Variants in GRM5 observed in about 807,000 individuals in gnomAD.
GRM5 encodes glutamate metabotropic receptor 5, also known as metabotropic glutamate receptor 5.
In GRM5, 19 loss-of-function variants were observed where a neutral mutation model predicts 83.1. The observed-to-expected ratio is 0.23, with a 90% confidence interval of 0.16 to 0.34. GRM5 has a LOEUF of 0.34. GRM5 is among the 10% of genes least tolerant of loss of function. The probability of loss-of-function intolerance (pLI) is 1.00; values close to 1 mark genes in which losing one functional copy is unlikely to be tolerated. For synonymous variants in GRM5, 675 were observed against 633.6 expected (o/e 1.07, Z -0.98); for missense variants, 1,160 against 1,588.3 (o/e 0.73, Z 4.58).
intron 2 of GRM5, among the ~76,000 whole-genome samples, chr11:88,871,450 G>T (rs972962930): frequency 6.6e-6 from 1 of 151,538 alleles, no homozygotes; most frequent in African/African-American, 2.4e-5. Context: ...AGTGTTAAAT[G>T]CCATAATGCA....
intron 7 of GRM5, among the ~76,000 whole-genome samples, chr11:88,573,113 C>T (rs185942518): frequency 4.2e-4 from 64 of 152,148 alleles, no homozygotes; most frequent in Admixed American, 3.7e-3. Context: ...ATACTTGATT[C>T]GTAAGTCTGT....
At chr11:88,901,575 C>T (rs1945316308) in intron 2 of GRM5, among the ~76,000 whole-genome samples, 1 of 152,250 alleles carries the variant, frequency 6.6e-6, no homozygotes, top group African/African-American at 2.4e-5. Flanking sequence ...AAATCAAAGA[C>T]CTAGGCTATG....
intron 7 of GRM5, among the ~76,000 whole-genome samples, chr11:88,587,225 T>C (rs1007080295): frequency 6.6e-5 from 10 of 152,308 alleles, no homozygotes; most frequent in African/African-American, 2.4e-4. Context: ...AGTCTAAGTA[T>C]ATCAAAGAAA....
chr11:88,909,926 C>T (rs542437098), intron 2 of GRM5, among the ~76,000 whole-genome samples: 2 of 152,154 alleles, frequency 1.3e-5, no homozygotes, highest in South Asian at 4.1e-4. Flanking sequence ...TGGTAAAATA[C>T]ATATAATCAA....
chr11:88,980,549 G>A (rs1429508432), intron 2 of GRM5, among the ~76,000 whole-genome samples: 3 of 152,100 alleles, frequency 2.0e-5, no homozygotes, highest in East Asian at 3.8e-4. Context: ...CTGGCCGGGT[G>A]CGGTGGCTCA....
chr11:88,662,203 CT>C (rs1939924696), intron 3 of GRM5, among the ~76,000 whole-genome samples: 1 of 152,126 alleles, frequency 6.6e-6, no homozygotes, highest in Non-Finnish European at 1.5e-5. Context: ...GGAGGATTAA[CT>C]AGCCTTATAA....
chr11:89,007,628 C>T (rs951689387), intron 2 of GRM5, among the ~76,000 whole-genome samples: 2 of 152,068 alleles, frequency 1.3e-5, no homozygotes, highest in Non-Finnish European at 2.9e-5. Context: ...TTAGGTCATA[C>T]GGGTTTTATC....
intron 3 of GRM5, among the ~76,000 whole-genome samples, chr11:88,677,825 A>G (rs1433089733): frequency 6.6e-6 from 1 of 152,138 alleles, no homozygotes; most frequent in Non-Finnish European, 1.5e-5. Flanking sequence ...TAAGAAAGAG[A>G]CATCTTATTG....
chr11:88,666,781 T>C (rs1412797340), intron 3 of GRM5, among the ~76,000 whole-genome samples: 2 of 152,218 alleles, frequency 1.3e-5, no homozygotes, highest in African/African-American at 4.8e-5. Flanking sequence ...CTCTTTTAAC[T>C]GCTATAAACA....
intron 8 of GRM5, among the ~76,000 whole-genome samples, chr11:88,553,678 T>C (rs1473197798): frequency 1.3e-5 from 2 of 152,178 alleles, no homozygotes; most frequent in Non-Finnish European, 2.9e-5. Context: ...GAACTTGCTC[T>C]CATTTTCACA....
At chr11:88,975,922 G>T (rs1006997141) in intron 2 of GRM5, among the ~76,000 whole-genome samples, 4 of 152,104 alleles carry the variant, frequency 2.6e-5, no homozygotes, top group Non-Finnish European at 5.9e-5. Flanking sequence ...GTTATAACAA[G>T]AATGAAATAA....
At chr11:88,990,063 G>T (rs1211299128) in intron 2 of GRM5, among the ~76,000 whole-genome samples, 1 of 151,246 alleles carries the variant, frequency 6.6e-6, no homozygotes, top group African/African-American at 2.4e-5. Context: ...AAAAATTAAT[G>T]AATCCAGGAG....
intron 3 of GRM5, among the ~76,000 whole-genome samples, chr11:88,827,063 C>A (rs1407932926): frequency 6.6e-6 from 1 of 152,148 alleles, no homozygotes; most frequent in Non-Finnish European, 1.5e-5. Flanking sequence ...GCACCGTCTT[C>A]TCTGGCTAAA....
At chr11:88,643,921 A>G (rs1939368916) in intron 4 of GRM5, among the ~76,000 whole-genome samples, 2 of 152,210 alleles carry the variant, frequency 1.3e-5, no homozygotes, top group South Asian at 4.1e-4. Flanking sequence ...CACTTCAAAT[A>G]CTAGTGAGAC....
chr11:88,968,163 G>C (rs528230739), intron 2 of GRM5, among the ~76,000 whole-genome samples: 2 of 152,204 alleles, frequency 1.3e-5, no homozygotes, highest in South Asian at 4.1e-4. Flanking sequence ...AATTTTGAAT[G>C]TCCAATACAG....
At chr11:88,545,877 A>G (rs1234142819) in intron 8 of GRM5, among the ~76,000 whole-genome samples, 1 of 152,076 alleles carries the variant, frequency 6.6e-6, no homozygotes, top group African/African-American at 2.4e-5. Flanking sequence ...CACATTCAGG[A>G]CAATATACAA....
At chr11:89,002,812 T>C (rs1940421135) in intron 2 of GRM5, among the ~76,000 whole-genome samples, 1 of 152,104 alleles carries the variant, frequency 6.6e-6, no homozygotes, top group Admixed American at 6.6e-5. Context: ...CTCAGAATGC[T>C]TCCCCCCCAG....
chr11:88,685,150 G>T (rs532057278), intron 3 of GRM5, among the ~76,000 whole-genome samples: 1 of 152,188 alleles, frequency 6.6e-6, no homozygotes, highest in Non-Finnish European at 1.5e-5. Context: ...AAGCCTGATA[G>T]CGATATAGAC....
chr11:88,819,198 A>G (rs1387847594), intron 3 of GRM5, among the ~76,000 whole-genome samples: 1 of 152,348 alleles, frequency 6.6e-6, no homozygotes, highest in African/African-American at 2.4e-5. Context: ...GCTTGATGCC[A>G]TAATTTCTGA....
Sources: allele counts gnomAD v4.1 joint callset (sites outside exome capture counted in the v4.1 genomes callset), GRCh38; gene constraint gnomAD v4.1.1; transcripts MANE v1.5; gene names NCBI Gene and HGNC (gene_info 2026-07-23, HGNC 2026-07-21).